IRAG2: variants seen among roughly 807,000 people sequenced by gnomAD.
IRAG2 encodes lymphoid restricted membrane protein.
IRAG2 carries 45 observed loss-of-function variants against 69.9 expected under a neutral mutation model. The observed-to-expected ratio is 0.64, with a 90% CI of 0.51 to 0.83. IRAG2 has a LOEUF of 0.83. IRAG2 is among the 40% of genes least tolerant of loss of function. The pLI, the probability that IRAG2 is intolerant of heterozygous loss-of-function variation, is 0.00. For synonymous variants in IRAG2, 193 were observed against 202.4 expected (o/e 0.95, Z 0.40); for missense variants, 520 against 587.0 (o/e 0.89, Z 1.18).
chr12:25,069,814 C>A (rs1356031582), intron 6 of IRAG2, among the ~76,000 whole-genome samples: 1 of 152,186 alleles, frequency 6.6e-6, no homozygotes, highest in African/African-American at 2.4e-5. Flanking sequence ...GCTGGATAAT[C>A]TTTGAGGGGC....
At position 25,069,809 on chromosome 12, in the gene IRAG2, A is replaced by T. The variant is rs550241345; in HGVS notation, c.24+378A>T. ...CTCCAAGAATTGAGGTCGAGGCTGG[A>T]TAATCTTTGAGGGGCTGGTACCCTT... is the stretch of plus-strand genomic sequence containing the variant. On this transcript the variant is annotated intron_variant, in intron 6 of 21. Coordinates refer to ENST00000556887, the MANE Select transcript of IRAG2 (RefSeq NM_001366544.2). Among the ~76,000 whole-genome samples, 138 of 152,340 alleles carry T rather than the reference A, an allele frequency of 9.1e-4. 1 individual carries two copies. In the Middle Eastern group the frequency reaches 0.017, roughly 19 times the overall value.
At chr12:25,104,336 A>G in intron 19 of IRAG2, 25 bp from the exon 20 acceptor site, 2 of 1,402,906 alleles carry the variant, frequency 1.4e-6, no homozygotes, top group Non-Finnish European at 2.0e-6. Flanking sequence ...TGATTTGACA[A>G]GTGGCTATAA....
upstream of IRAG2, among the ~76,000 whole-genome samples, chr12:25,003,395 G>A (rs977553617): frequency 6.6e-6 from 1 of 152,094 alleles, no homozygotes; most frequent in Non-Finnish European, 1.5e-5. Context: ...TGCCCAGGCT[G>A]GAGTACCTGT....
chr12:25,004,952 G>A, intron 1 of IRAG2: 1 of 1,174,354 alleles, frequency 8.5e-7, no homozygotes, highest in Non-Finnish European at 1.1e-6. Flanking sequence ...CCTTCCAATA[G>A]AGCAATAAAC....
intron 15 of IRAG2, 87 bp from the exon 16 acceptor site, chr12:25,101,091 T>A (rs1365098831): frequency 1.7e-6 from 2 of 1,145,180 alleles, no homozygotes; most frequent in Admixed American, 5.1e-5. Flanking sequence ...GATTTAGGAA[T>A]GGAGTGAAGG....
At chr12:25,067,226 A>G (rs1946040052) in intron 5 of IRAG2, among the ~76,000 whole-genome samples, 1 of 152,076 alleles carries the variant, frequency 6.6e-6, no homozygotes, top group Non-Finnish European at 1.5e-5. Flanking sequence ...TACACAGACT[A>G]ATCTTCTAAT....
At chr12:25,030,557 T>G (rs556608148) in intron 10 of IRAG2, among the ~76,000 whole-genome samples, 9 of 152,304 alleles carry the variant, frequency 5.9e-5, no homozygotes, top group African/African-American at 2.2e-4. Context: ...CAGCTAATTT[T>G]TGTATTTTTA....
chr12:25,067,548 G>T (rs917063073), intron 5 of IRAG2, among the ~76,000 whole-genome samples: 2 of 152,188 alleles, frequency 1.3e-5, no homozygotes, highest in African/African-American at 4.8e-5. Flanking sequence ...TAAATTGGGG[G>T]TTGCCAAGAT....
At chr12:25,047,128 CAAAAG>C (rs1944801306) in intron 16 of IRAG2, among the ~76,000 whole-genome samples, 1 of 151,994 alleles carries the variant, frequency 6.6e-6, no homozygotes, top group African/African-American at 2.4e-5. Context: ...CATCCACAGA[CAAAAG>C]AATGAAATTG....
chr12:25,046,074 G>C (rs1031228848), intron 16 of IRAG2, among the ~76,000 whole-genome samples: 5 of 152,034 alleles, frequency 3.3e-5, no homozygotes, highest in Non-Finnish European at 2.9e-5. Context: ...TATGCAAATT[G>C]ATTATCTTGA....
chr12:25,106,923 A>G lies in IRAG2; in HGVS notation c.1149-20A>G. ...ATATTATCCTTAGTTTCAAATATTAAAAACAACATTTATTTACAGAACTAA... is the reference window on the plus strand; with the variant it reads ...ATATTATCCTTAGTTTCAAATATTAGAAACAACATTTATTTACAGAACTAA... On this transcript the variant is annotated intron_variant, in intron 20 of 21. Coordinates refer to ENST00000556887, the MANE Select transcript of IRAG2 (RefSeq NM_001366544.2). 1 of 1,281,926 alleles carries G rather than the reference A, an allele frequency of 7.8e-7. No individual in the cohort carries two copies. The highest frequency in any genetic ancestry group is 1.1e-6 in the Non-Finnish European group (1 of 910,014). The allele number at this position is 1,281,926 out of a possible 1,614,324, so 79.4% of individuals were successfully genotyped here.
chr12:25,022,544 AATC>A (rs1944589688), intron 7 of IRAG2, among the ~76,000 whole-genome samples: 1 of 152,190 alleles, frequency 6.6e-6, no homozygotes, highest in Non-Finnish European at 1.5e-5. Flanking sequence ...ACGGAATCCT[AATC>A]ATTTGCATTT....
intron 12 of IRAG2, among the ~76,000 whole-genome samples, chr12:25,032,958 C>CT (rs11349391): frequency 6.6e-5 from 9 of 136,574 alleles, no homozygotes; most frequent in South Asian, 2.4e-4. Flanking sequence ...CTCTTTCTTT[C>CT]TTTTTTTTTT....
At chr12:25,024,057 C>A in intron 8 of IRAG2, 1 of 413,026 alleles carries the variant, frequency 2.4e-6, no homozygotes, top group East Asian at 3.6e-5. Context: ...TGTCAAATTA[C>A]AAGTGAGGAG....
At chr12:25,008,045 T>C (rs1332827709) in intron 2 of IRAG2, among the ~76,000 whole-genome samples, 2 of 152,198 alleles carry the variant, frequency 1.3e-5, no homozygotes, top group African/African-American at 4.8e-5. Context: ...AAACCACAAC[T>C]ACTTTTGCAT....
chr12:25,081,569 G>T (rs988697569), intron 9 of IRAG2, among the ~76,000 whole-genome samples: 1 of 152,198 alleles, frequency 6.6e-6, no homozygotes, highest in African/African-American at 2.4e-5. Flanking sequence ...ATAATGTGGA[G>T]AGAAATGTTC....
At chr12:25,006,858 TA>T (rs1944436947) in intron 2 of IRAG2, among the ~76,000 whole-genome samples, 1 of 150,970 alleles carries the variant, frequency 6.6e-6, no homozygotes, top group African/African-American at 2.5e-5. Flanking sequence ...CCCCTGAACC[TA>T]AAAGTTGAGA....
chr12:25,083,471 A>C lies in IRAG2; in HGVS notation c.293A>C (p.Lys98Thr), dbSNP rs964161719. 59 of 1,609,324 alleles carry C rather than the reference A, an allele frequency of 3.7e-5. No individual in the cohort carries two copies. Among genetic ancestry groups the C allele is most frequent in the Non-Finnish European group, 4.9e-5 (58 of 1,175,772 alleles). Residue 98 changes from lysine to threonine, a missense_variant, in exon 10 of 22, where the codon AAG becomes ACG. Transcript: ENST00000556887. Reference protein sequence around the residue: ...DNIAFQDSTSKDKTILNLEAK... With the variant: ...DNIAFQDSTSTDKTILNLEAK... Reference sequence around the variant, plus strand: ...ATTGCATTCCAAGACTCTACGAGTAAGGATAAAACCATATTAAATCTGGTA... The same window carrying C: ...ATTGCATTCCAAGACTCTACGAGTACGGATAAAACCATATTAAATCTGGTA...
chr12:25,103,581 T>C, intron 17 of IRAG2: 1 of 418,198 alleles, frequency 2.4e-6, no homozygotes, highest in East Asian at 4.0e-5. Context: ...AGACAAATAA[T>C]TACAAACCTA....
Sources: gnomAD v4.1 joint callset for allele counts (sites outside exome capture counted in the v4.1 genomes callset) on GRCh38, gnomAD v4.1.1 for gene constraint, MANE v1.5 for transcripts, NCBI Gene and HGNC (gene_info 2026-07-23, HGNC 2026-07-21) for gene names.